RAVER2: variants seen among roughly 807,000 people sequenced by gnomAD.
RAVER2 encodes the protein ribonucleoprotein PTB-binding 2.
Under a neutral mutation model 78.1 loss-of-function variants are expected in RAVER2, and 46 were observed. That is an observed-to-expected ratio of 0.59 (90% CI 0.46 to 0.75). The LOEUF is 0.75. Ranked by LOEUF, RAVER2 falls within the 30% of genes least tolerant of loss-of-function variation. The probability of loss-of-function intolerance (pLI) is 0.00; values close to 1 mark genes in which losing one functional copy is unlikely to be tolerated. For missense variants in RAVER2, 793 were observed against 837.5 expected, an observed-to-expected ratio of 0.95 and a Z score of 0.66; for synonymous variants, 311 against 313.3, an observed-to-expected ratio of 0.99 and a Z score of 0.08.
chr1:64,764,723 CA>C (rs1652125688), intron 1 of RAVER2, among the ~76,000 whole-genome samples: 1 of 152,124 alleles, frequency 6.6e-6, no homozygotes, highest in Admixed American at 6.6e-5. Context: ...CTGGCAAGTC[CA>C]AAATGTGTAG....
At chr1:64,782,622 C>T (rs1652662027) in intron 4 of RAVER2, among the ~76,000 whole-genome samples, 1 of 152,140 alleles carries the variant, frequency 6.6e-6, no homozygotes, top group Non-Finnish European at 1.5e-5. Context: ...TTTTTACTTG[C>T]TGCATCTGGC....
At chr1:64,830,258 C>T (rs1208326360) in intron 11 of RAVER2, among the ~76,000 whole-genome samples, 1 of 152,226 alleles carries the variant, frequency 6.6e-6, no homozygotes, top group Non-Finnish European at 1.5e-5. Context: ...GTCAGAATCT[C>T]TGGGATGGTG....
At chr1:64,781,311 T>C in intron 3 of RAVER2, 69 bp from the exon 4 acceptor site, 9 of 1,382,766 alleles carry the variant, frequency 6.5e-6, no homozygotes, top group Non-Finnish European at 8.7e-6. Flanking sequence ...AATTTGAAAA[T>C]TATATATCGT....
chr1:64,772,359 A>G (rs1038136925), intron 2 of RAVER2, among the ~76,000 whole-genome samples: 1 of 152,114 alleles, frequency 6.6e-6, no homozygotes, highest in Non-Finnish European at 1.5e-5. Context: ...AAAAGGACAA[A>G]GAGATTTTCA....
At chr1:64,792,157 A>C (rs1304506813) in intron 5 of RAVER2, among the ~76,000 whole-genome samples, 1 of 152,200 alleles carries the variant, frequency 6.6e-6, no homozygotes, top group Non-Finnish European at 1.5e-5. Context: ...CTTTTTATAC[A>C]TCTTATATCT....
At chr1:64,773,601 T>A (rs537329845) in intron 2 of RAVER2, among the ~76,000 whole-genome samples, 1 of 152,342 alleles carries the variant, frequency 6.6e-6, no homozygotes, top group African/African-American at 2.4e-5. Context: ...TTGGGTTGGA[T>A]CCAAGTCTTT....
chr1:64,788,979 G>T (rs896602745), intron 4 of RAVER2, among the ~76,000 whole-genome samples: 2 of 152,100 alleles, frequency 1.3e-5, no homozygotes, highest in African/African-American at 4.8e-5. Flanking sequence ...AAAGTGTCAC[G>T]ATTACAGGTG....
intron 1 of RAVER2, among the ~76,000 whole-genome samples, chr1:64,760,821 T>G (rs1296256023): frequency 6.6e-6 from 1 of 152,182 alleles, no homozygotes; most frequent in Non-Finnish European, 1.5e-5. Context: ...AGGAGGCCAG[T>G]GATGCAGTGA....
intron 5 of RAVER2, among the ~76,000 whole-genome samples, chr1:64,790,633 T>C (rs556957965): frequency 6.6e-6 from 1 of 152,202 alleles, no homozygotes; most frequent in Admixed American, 6.5e-5. Context: ...CATGAAATTA[T>C]GAAGAAGGAA....
intron 9 of RAVER2, 45 bp from the exon 10 acceptor site, chr1:64,812,693 G>T: frequency 3.2e-6 from 4 of 1,253,854 alleles, no homozygotes; most frequent in African/African-American, 1.5e-5. Flanking sequence ...TTTTATTTTC[G>T]TGTACCTCTC....
intron 5 of RAVER2, among the ~76,000 whole-genome samples, chr1:64,791,590 T>C (rs1652942425): frequency 6.6e-6 from 1 of 152,216 alleles, no homozygotes. Context: ...CTTCATATAA[T>C]TATTTGTGTG....
chr1:64,753,161 C>A (rs1651746203), intron 1 of RAVER2, among the ~76,000 whole-genome samples: 1 of 152,160 alleles, frequency 6.6e-6, no homozygotes, highest in Admixed American at 6.5e-5. Flanking sequence ...TCAAGCAATC[C>A]TTCTACCTCA....
chr1:64,759,158 A>G (rs186805866), intron 1 of RAVER2, among the ~76,000 whole-genome samples: 4 of 151,120 alleles, frequency 2.6e-5, no homozygotes, highest in Admixed American at 2.6e-4. Context: ...CAGTAAGTAT[A>G]TTTTCAGGTG....
chr1:64,814,873 A>C, intron 11 of RAVER2, 33 bp downstream of exon 11: 1 of 1,469,350 alleles, frequency 6.8e-7, no homozygotes, highest in Non-Finnish European at 9.1e-7. Flanking sequence ...TGATACTCAG[A>C]AAAATTGGTT....
chr1:64,754,318 A>G (rs1651789707), intron 1 of RAVER2, among the ~76,000 whole-genome samples: 1 of 152,180 alleles, frequency 6.6e-6, no homozygotes, highest in Non-Finnish European at 1.5e-5. Context: ...CTATGCAGCT[A>G]TATTGTTAGT....
chr1:64,826,598 G>A (rs1654008614), intron 11 of RAVER2, among the ~76,000 whole-genome samples: 1 of 152,156 alleles, frequency 6.6e-6, no homozygotes, highest in South Asian at 2.1e-4. Flanking sequence ...GACAATTTAG[G>A]ACCTTTTAGG....
chr1:64,759,006 G>A (rs941660034), intron 1 of RAVER2, among the ~76,000 whole-genome samples: 4 of 151,518 alleles, frequency 2.6e-5, no homozygotes, highest in Non-Finnish European at 4.4e-5. Flanking sequence ...ATCTCTTGAA[G>A]ATTAAAGCCC....
At chr1:64,794,412 A>C (rs1386457457) in intron 5 of RAVER2, among the ~76,000 whole-genome samples, 3 of 151,814 alleles carry the variant, frequency 2.0e-5, no homozygotes, top group Admixed American at 6.6e-5. Flanking sequence ...AAAAAAAAAA[A>C]AAAAACTGCC....
chr1:64,773,426 C>G (rs192954732), intron 2 of RAVER2, among the ~76,000 whole-genome samples: 79 of 152,036 alleles, frequency 5.2e-4, no homozygotes, highest in African/African-American at 1.8e-3. Context: ...TCAGTGAGAA[C>G]ATGTGGTGTT....
Sources: allele counts gnomAD v4.1 joint callset (sites outside exome capture counted in the v4.1 genomes callset), GRCh38; gene constraint gnomAD v4.1.1; transcripts MANE v1.5; gene names NCBI Gene and HGNC (gene_info 2026-07-23, HGNC 2026-07-21).